Variants in CDH23 observed in about 807,000 individuals in gnomAD.
CDH23 encodes cadherin related 23.
A neutral mutation model predicts 317.1 loss-of-function variants in CDH23; 189 were observed. The observed-to-expected ratio is 0.60, with a 90% CI of 0.53 to 0.67. The LOEUF is 0.67. Among genes scored for constraint, CDH23 ranks in the 30% least tolerant of loss-of-function variants. The probability of loss-of-function intolerance (pLI) is 0.00; values close to 1 mark genes in which losing one functional copy is unlikely to be tolerated. For synonymous variants in CDH23, 1,839 were observed against 1,876.8 expected (o/e 0.98, Z 0.52); for missense variants, 4,401 against 4,592.4 (o/e 0.96, Z 1.20).
chr10:71,800,883 A>G, intron 53 of CDH23, 128 bp downstream of exon 53: 1 of 1,318,868 alleles, frequency 7.6e-7, no homozygotes, highest in Non-Finnish European at 1.0e-6. Context: ...AGACACAGTG[A>G]CAGAAAGGAG....
intron 3 of CDH23, among the ~76,000 whole-genome samples, chr10:71,493,372 C>A (rs1852773972): frequency 6.6e-6 from 1 of 152,124 alleles, no homozygotes; most frequent in African/African-American, 2.4e-5. Context: ...ACTCCACACT[C>A]ATGCATCCCC....
chr10:71,638,279 C>G (rs1862370432), intron 11 of CDH23, among the ~76,000 whole-genome samples: 1 of 152,200 alleles, frequency 6.6e-6, no homozygotes, highest in African/African-American at 2.4e-5. Flanking sequence ...CGTCACGCCC[C>G]TGGGTCACTA....
chr10:71,620,183 G>T (rs1402659569), intron 11 of CDH23, among the ~76,000 whole-genome samples: 1 of 152,110 alleles, frequency 6.6e-6, no homozygotes, highest in East Asian at 1.9e-4. Context: ...TCCCAGAAGT[G>T]GCTCCGTGAC....
At position 71,677,582 on chromosome 10, in the gene CDH23, C is replaced by T. The variant is rs766343084; in HGVS notation, c.1641C>T (p.Val547=). 3 of 1,609,856 alleles carry T rather than the reference C, an allele frequency of 1.9e-6. No homozygotes were observed. The highest frequency in any genetic ancestry group is 1.7e-5 in the Admixed American group (1 of 59,452). ...DGGGEETTGR[V]RINVLDVNDN... ...GCGGCGAGGAGACCACAGGCCGGGT[C>T]AGGATCAATGTGTTGGATGTCAACG... The change falls in exon 16 of 70, where the codon GTC becomes GTT. Residue 547 remains valine (V), a synonymous_variant. Transcript: ENST00000224721.
Position 71,811,600 on chromosome 10 carries a change from C to T in CDH23, c.9278+10C>T, listed in dbSNP as rs1326502966. 6.2e-7 allele frequency: 1 copy of T among 1,613,916 alleles called. No individual in the cohort carries two copies. Among genetic ancestry groups the T allele is most frequent in the South Asian group, 1.1e-5 (1 of 91,088 alleles). On this transcript the variant is annotated intron_variant, in intron 64 of 69. Transcript: ENST00000224721. Reference sequence around the variant, plus strand: ...GGTACTACAGGACTGTGTGAGTGTCCCCCACCCCTGCCATCAGGGGGCCGA... The same window carrying T: ...GGTACTACAGGACTGTGTGAGTGTCTCCCACCCCTGCCATCAGGGGGCCGA...
Position 71,790,433 on chromosome 10 carries a change from C to T in CDH23, c.6049+20C>T. 2 of 1,609,348 alleles carry T rather than the reference C, an allele frequency of 1.2e-6. No homozygotes were observed. The highest frequency in any genetic ancestry group is 1.7e-6 in the Non-Finnish European group (2 of 1,178,894). On this transcript the variant is annotated intron_variant, in intron 46 of 69. Coordinates refer to ENST00000224721, the MANE Select transcript of CDH23 (RefSeq NM_022124.6). ...GCACCGGTGAGGCCTCTGTGCCACC[C>T]AGCACTCCCAGCCTGATTCTGGGGT...
intron 38 of CDH23, among the ~76,000 whole-genome samples, chr10:71,773,672 G>C (rs993693481): frequency 6.6e-6 from 1 of 152,314 alleles, no homozygotes; most frequent in African/African-American, 2.4e-5. Flanking sequence ...CCGTGGGTGG[G>C]GAGCCAGCGT....
At chr10:71,709,449 G>A (rs548739872) in intron 27 of CDH23, among the ~76,000 whole-genome samples, 1 of 152,330 alleles carries the variant, frequency 6.6e-6, no homozygotes, top group East Asian at 1.9e-4. Context: ...CCCACATGTA[G>A]ACAAATTACT....
Position 71,679,456 on chromosome 10 carries a change from A to C in CDH23, c.1822A>C (p.Ser608Arg). Reference protein sequence around the residue: ...YSIVSASAFGSYFDISLYEGY... With the variant: ...YSIVSASAFGRYFDISLYEGY... ...CATTGTCAGTGCATCTGCCTTTGGC[A>C]GCTACTTCGACATCAGCCTGTACGA... The change falls in exon 17 of 70, where the codon AGC becomes CGC. Residue 608 changes from serine (S) to arginine (R), a missense_variant. Transcript: ENST00000224721. 1 of 1,613,112 alleles carries C rather than the reference A, an allele frequency of 6.2e-7. No individual in the cohort carries two copies. Among genetic ancestry groups the C allele is most frequent in the Non-Finnish European group, 8.5e-7 (1 of 1,179,530 alleles).
At chr10:71,750,953 G>C in intron 38 of CDH23, 1 of 357,108 alleles carries the variant, frequency 2.8e-6, no homozygotes, top group Non-Finnish European at 5.1e-6. Context: ...TGAAGGGCTG[G>C]ACGTTCTGAG....
chr10:71,712,462 G>A, intron 27 of CDH23: 1 of 580,876 alleles, frequency 1.7e-6, no homozygotes, highest in Non-Finnish European at 3.1e-6. Flanking sequence ...TTAGAAGAAT[G>A]GCTGGCACAT....
chr10:71,769,305 C>T (rs879848533), intron 38 of CDH23, among the ~76,000 whole-genome samples: 7 of 152,012 alleles, frequency 4.6e-5, no homozygotes, highest in African/African-American at 7.2e-5. Context: ...TTTCAGACTC[C>T]GAGCCTTCCC....
chr10:71,587,319 A>C (rs1859145328), intron 9 of CDH23, among the ~76,000 whole-genome samples: 1 of 152,226 alleles, frequency 6.6e-6, no homozygotes, highest in South Asian at 2.1e-4. Context: ...AGATTCATTC[A>C]ATCATTCCTT....
chr10:71,525,744 GCCTGAGCATCCGTGACCCT>G (rs1428560804), intron 6 of CDH23, among the ~76,000 whole-genome samples: 1 of 152,180 alleles, frequency 6.6e-6, no homozygotes, highest in Non-Finnish European at 1.5e-5. Flanking sequence ...TTCAGCGGGG[GCCTGAGCATCCGTGACCCT>G]CCTGGGAAAC....
intron 14 of CDH23, among the ~76,000 whole-genome samples, chr10:71,662,615 A>T (rs1863724023): frequency 6.6e-6 from 1 of 152,100 alleles, no homozygotes; most frequent in Non-Finnish European, 1.5e-5. Flanking sequence ...ATAATGTCCC[A>T]CTTAACTGAG....
chr10:71,510,827 T>G (rs1853927475), intron 4 of CDH23, 127 bp from the exon 5 acceptor site: 1 of 845,398 alleles, frequency 1.2e-6, no homozygotes, highest in Non-Finnish European at 2.0e-6. Flanking sequence ...TAGGGAAGCC[T>G]TTGGGTGCCT....
At chr10:71,554,726 G>T (rs575350023) in intron 6 of CDH23, among the ~76,000 whole-genome samples, 1 of 138,390 alleles carries the variant, frequency 7.2e-6, no homozygotes, top group East Asian at 2.8e-4. Context: ...AAAGTTGTGA[G>T]AATTTTTTTT....
intron 11 of CDH23, among the ~76,000 whole-genome samples, chr10:71,637,350 A>G (rs1397661542): frequency 6.6e-6 from 1 of 151,908 alleles, no homozygotes; most frequent in Non-Finnish European, 1.5e-5. Flanking sequence ...GCTCCTTCCC[A>G]GGGATGCCTC....
rs1842100002 is a variant in CDH23 at position 71,815,335 on chromosome 10, G to A, written c.*57G>A. 27 of 1,466,744 alleles carry A rather than the reference G, an allele frequency of 1.8e-5. No homozygotes were observed. In the South Asian group the frequency reaches 3.1e-4, roughly 17 times the overall value. The allele number at this position is 1,466,744 out of a possible 1,614,324, so 90.9% of individuals were successfully genotyped here. A position where few individuals can be genotyped will look rare whatever the true frequency, so the allele number is the denominator to read the frequency against. On this transcript the variant is annotated 3_prime_UTR_variant, in exon 70 of 70. Coordinates refer to ENST00000224721, the MANE Select transcript of CDH23 (RefSeq NM_022124.6). ...CACCCATCCACCGTCCCCTCCCAGGGAGCAAGGGCAGGGACAGGGCCGGTC... is the reference window on the plus strand; with the variant it reads ...CACCCATCCACCGTCCCCTCCCAGGAAGCAAGGGCAGGGACAGGGCCGGTC...
Sources: gnomAD v4.1 joint callset for allele counts (sites outside exome capture counted in the v4.1 genomes callset) on GRCh38, gnomAD v4.1.1 for gene constraint, MANE v1.5 for transcripts, NCBI Gene and HGNC (gene_info 2026-07-23, HGNC 2026-07-21) for gene names.